The following ARMH4 variants were observed in gnomAD, a reference collection of about 807,000 sequenced individuals.
ARMH4 encodes the protein armadillo like helical domain containing 4, also known as armadillo-like helical domain-containing protein 4.
ARMH4 carries 49 observed loss-of-function variants against 61.9 expected under a neutral mutation model. The observed-to-expected ratio is 0.79, with a 90% CI of 0.63 to 1.00. The LOEUF (loss-of-function observed/expected upper bound fraction) is 1.00, where lower values mean the gene tolerates loss of function less well. Among genes scored for constraint, ARMH4 ranks in the 50% least tolerant of loss-of-function variants. The pLI is 0.00. For missense variants in ARMH4, 934 were observed against 930.0 expected, an observed-to-expected ratio of 1.00 and a Z score of -0.06; for synonymous variants, 368 against 341.5, an observed-to-expected ratio of 1.08 and a Z score of -0.85.
At chr14:58,077,614 AAG>A (rs1325260467) in intron 5 of ARMH4, among the ~76,000 whole-genome samples, 1 of 151,852 alleles carries the variant, frequency 6.6e-6, no homozygotes, top group African/African-American at 2.4e-5. Context: ...TCAAAAAGAA[AAG>A]AGAGAGAGAG....
At chr14:58,054,821 G>A (rs1306813071) in intron 5 of ARMH4, among the ~76,000 whole-genome samples, 1 of 149,788 alleles carries the variant, frequency 6.7e-6, no homozygotes, top group African/African-American at 2.5e-5. Context: ...AGATTGCAGT[G>A]AGCCAAGATC....
chr14:58,046,468 C>T (rs1430958622), intron 5 of ARMH4, among the ~76,000 whole-genome samples: 1 of 152,108 alleles, frequency 6.6e-6, no homozygotes, highest in Non-Finnish European at 1.5e-5. Flanking sequence ...AAGAAAGGCA[C>T]AAGTACCATT....
intron 5 of ARMH4, among the ~76,000 whole-genome samples, chr14:58,080,644 C>T (rs1410089734): frequency 6.6e-6 from 1 of 152,166 alleles, no homozygotes; most frequent in Non-Finnish European, 1.5e-5. Flanking sequence ...GTACTATACT[C>T]ACCACCTGGG....
At chr14:58,129,482 G>A (rs1035456536) in intron 4 of ARMH4, among the ~76,000 whole-genome samples, 2 of 152,142 alleles carry the variant, frequency 1.3e-5, no homozygotes, top group Non-Finnish European at 2.9e-5. Flanking sequence ...CTAACCTGAC[G>A]TAAGTAATAC....
Position 58,096,964 on chromosome 14 carries a change from C to T in ARMH4, c.1849G>A (p.Asp617Asn). 6.2e-7 allele frequency: 1 copy of T among 1,613,660 alleles called. No homozygotes were observed. The highest frequency in any genetic ancestry group is 8.5e-7 in the Non-Finnish European group (1 of 1,179,652). The change falls in exon 5 of 8, where the codon GAT becomes AAT. Residue 617 changes from aspartate (D) to asparagine (N), a missense_variant. Asp to Asn is a conservative substitution (Grantham distance 23). Coordinates refer to ENST00000267485, the MANE Select transcript of ARMH4 (RefSeq NM_001001872.4). ...LESEEGQEDE[D>N]EEDEEDEDEE... ...TCTTCATCTTCTTCATCCTCTTCAT[C>T]CTCATCTTCTTGTCCCTCTAGGCAA...
At chr14:58,041,494 CA>C (rs1306018549) in intron 5 of ARMH4, among the ~76,000 whole-genome samples, 2 of 152,158 alleles carry the variant, frequency 1.3e-5, no homozygotes, top group Non-Finnish European at 2.9e-5. Flanking sequence ...AAAAATATGC[CA>C]AATTGTAAAG....
chr14:58,007,961 C>T (rs1458859641), intron 6 of ARMH4, among the ~76,000 whole-genome samples: 1 of 151,890 alleles, frequency 6.6e-6, no homozygotes, highest in Non-Finnish European at 1.5e-5. Flanking sequence ...AAAAATGTTC[C>T]AGATTAAAGG....
At chr14:58,023,962 TAAAC>T (rs1882934909) in intron 5 of ARMH4, among the ~76,000 whole-genome samples, 1 of 152,174 alleles carries the variant, frequency 6.6e-6, no homozygotes, top group Non-Finnish European at 1.5e-5. Context: ...AAACATGTTG[TAAAC>T]AGATGTGCTG....
At chr14:58,139,868 T>A (rs926276681) in intron 1 of ARMH4, among the ~76,000 whole-genome samples, 1 of 152,196 alleles carries the variant, frequency 6.6e-6, no homozygotes, top group Admixed American at 6.5e-5. Context: ...CCAGAATTCA[T>A]GTGTTGAAAC....
At chr14:58,112,438 T>C (rs1012140725) in intron 4 of ARMH4, among the ~76,000 whole-genome samples, 4 of 152,168 alleles carry the variant, frequency 2.6e-5, no homozygotes, top group African/African-American at 9.7e-5. Context: ...TTAATCACTA[T>C]CTTATCACTC....
At chr14:58,006,294 T>C (rs1177783680) in intron 6 of ARMH4, among the ~76,000 whole-genome samples, 1 of 152,196 alleles carries the variant, frequency 6.6e-6, no homozygotes, top group African/African-American at 2.4e-5. Flanking sequence ...ACAATTTAAA[T>C]TGTTCATAAG....
At chr14:58,107,135 C>A (rs1886189035) in intron 4 of ARMH4, among the ~76,000 whole-genome samples, 1 of 152,146 alleles carries the variant, frequency 6.6e-6, no homozygotes, top group Non-Finnish European at 1.5e-5. Flanking sequence ...TTTATCACAG[C>A]TTTGACTTTT....
At chr14:58,050,348 G>T (rs1427842740) in intron 5 of ARMH4, among the ~76,000 whole-genome samples, 2 of 152,178 alleles carry the variant, frequency 1.3e-5, no homozygotes, top group Non-Finnish European at 2.9e-5. Flanking sequence ...GGCCACACCA[G>T]CCTAAGGAGG....
At chr14:58,085,226 C>G (rs1252058871) in intron 5 of ARMH4, among the ~76,000 whole-genome samples, 1 of 152,018 alleles carries the variant, frequency 6.6e-6, no homozygotes, top group Non-Finnish European at 1.5e-5. Flanking sequence ...ACTACTTTCT[C>G]CATTTTGTTT....
chr14:58,132,581 CTTTT>C (rs71448942), intron 3 of ARMH4, among the ~76,000 whole-genome samples: 14 of 86,066 alleles, frequency 1.6e-4, no homozygotes, highest in African/African-American at 2.1e-4. Context: ...ACCCTTGTCC[CTTTT>C]TTTTTTTTTT....
intron 5 of ARMH4, among the ~76,000 whole-genome samples, chr14:58,055,548 C>T (rs1027335103): frequency 6.6e-6 from 1 of 152,180 alleles, no homozygotes; most frequent in Non-Finnish European, 1.5e-5. Context: ...AGTAGCAGAA[C>T]ATCTTTAAGT....
intron 4 of ARMH4, among the ~76,000 whole-genome samples, chr14:58,121,480 C>G (rs1452114698): frequency 6.6e-6 from 1 of 152,216 alleles, no homozygotes; most frequent in East Asian, 1.9e-4. Context: ...GAGTAAATGT[C>G]AGTTATCTTT....
intron 5 of ARMH4, among the ~76,000 whole-genome samples, chr14:58,030,553 A>T (rs1256746393): frequency 6.6e-6 from 1 of 152,232 alleles, no homozygotes; most frequent in Non-Finnish European, 1.5e-5. Flanking sequence ...TAATGTCATC[A>T]GCACCATCCA....
chr14:58,065,668 CTG>C (rs1255829657), intron 5 of ARMH4, among the ~76,000 whole-genome samples: 1 of 152,256 alleles, frequency 6.6e-6, no homozygotes, highest in Non-Finnish European at 1.5e-5. Context: ...ACTACTATGT[CTG>C]TGAGTAATCT....
Sources: allele counts gnomAD v4.1 joint callset (sites outside exome capture counted in the v4.1 genomes callset), GRCh38; gene constraint gnomAD v4.1.1; transcripts MANE v1.5; gene names NCBI Gene and HGNC (gene_info 2026-07-23, HGNC 2026-07-21).